Variants in CCDC178 observed in about 807,000 individuals in gnomAD.
The protein encoded by CCDC178 is coiled-coil domain-containing protein 178.
Under a neutral mutation model 117.4 loss-of-function variants are expected in CCDC178, and 126 were observed. That is an observed-to-expected ratio of 1.07 (90% CI 0.93 to 1.24). CCDC178 has a LOEUF of 1.24. CCDC178 is among the 50% of genes most tolerant of loss of function. CCDC178 has a pLI of 0.00. For synonymous variants in CCDC178, 283 were observed against 313.4 expected (o/e 0.90, Z 1.02); for missense variants, 1,030 against 986.9 (o/e 1.04, Z -0.59).
At chr18:33,210,469 T>G (rs938094176) in intron 20 of CCDC178, among the ~76,000 whole-genome samples, 1 of 152,026 alleles carries the variant, frequency 6.6e-6, no homozygotes, top group Non-Finnish European at 1.5e-5. Context: ...CTGACCATCT[T>G]TTGCCATTTC....
At chr18:33,398,976 G>T (rs1354689063) in intron 3 of CCDC178, among the ~76,000 whole-genome samples, 5 of 152,112 alleles carry the variant, frequency 3.3e-5, no homozygotes, top group African/African-American at 1.2e-4. Context: ...AAGGTGGGTG[G>T]ATCACCTGAG....
chr18:33,295,051 C>T (rs1242868694), intron 11 of CCDC178, among the ~76,000 whole-genome samples: 1 of 152,072 alleles, frequency 6.6e-6, no homozygotes, highest in Non-Finnish European at 1.5e-5. Flanking sequence ...ATCACTCTAC[C>T]TGTTGTTAGG....
rs534376850 is a variant in CCDC178 at position 32,965,521 on chromosome 18, A to G, written c.2523+9026T>C. 7.9e-5 allele frequency among the ~76,000 whole-genome samples: 12 copies of G among 151,964 alleles called. 1 individual carries two copies. Among genetic ancestry groups the G allele is most frequent in the African/African-American group, 2.9e-4 (12 of 41,498 alleles). On this transcript the variant is annotated intron_variant, in intron 22 of 22. Coordinates refer to ENST00000383096, the MANE Select transcript of CCDC178 (RefSeq NM_001105528.4). Reference sequence around the variant, plus strand: ...TGTTTATTTATGTCTTCATATATTGATGGATATTTACATTGTCTTCAATGG... The same window carrying G: ...TGTTTATTTATGTCTTCATATATTGGTGGATATTTACATTGTCTTCAATGG...
intron 21 of CCDC178, among the ~76,000 whole-genome samples, chr18:33,076,423 G>A (rs570471079): frequency 5.9e-5 from 9 of 152,282 alleles, no homozygotes; most frequent in Admixed American, 5.9e-4. Context: ...GATATTTGAG[G>A]AAAGGGATAC....
chr18:32,992,618 G>A (rs555054709), intron 21 of CCDC178, among the ~76,000 whole-genome samples: 1 of 152,236 alleles, frequency 6.6e-6, no homozygotes, highest in South Asian at 2.1e-4. Flanking sequence ...CAGTTAATGT[G>A]TTATATATTT....
chr18:33,430,416 T>G (rs143099822), intron 2 of CCDC178, among the ~76,000 whole-genome samples: 1 of 152,170 alleles, frequency 6.6e-6, no homozygotes, highest in Admixed American at 6.5e-5. Context: ...TTCTCAGAAA[T>G]AGGAAAACAA....
At chr18:32,949,657 A>G (rs1264793693) in intron 22 of CCDC178, among the ~76,000 whole-genome samples, 1 of 151,910 alleles carries the variant, frequency 6.6e-6, no homozygotes, top group African/African-American at 2.4e-5. Context: ...TGTTTAATGT[A>G]TTTGTTTGCT....
chr18:33,403,366 A>G (rs1292453732), intron 3 of CCDC178, among the ~76,000 whole-genome samples: 1 of 152,172 alleles, frequency 6.6e-6, no homozygotes, highest in Non-Finnish European at 1.5e-5. Context: ...AAAGTTGCTA[A>G]ATTAACAACT....
intron 20 of CCDC178, among the ~76,000 whole-genome samples, chr18:33,176,074 T>TC (rs2144449739): frequency 6.6e-6 from 1 of 152,128 alleles, no homozygotes; most frequent in South Asian, 2.1e-4. Context: ...ACACACCCCC[T>TC]CCTCCAGCTT....
chr18:33,342,492 C>T (rs2062829447), intron 9 of CCDC178, among the ~76,000 whole-genome samples: 1 of 152,192 alleles, frequency 6.6e-6, no homozygotes, highest in Admixed American at 6.5e-5. Flanking sequence ...CCAATCTCAA[C>T]TGGAATTGTA....
chr18:33,091,469 T>C (rs1465249795), intron 21 of CCDC178, among the ~76,000 whole-genome samples: 1 of 151,472 alleles, frequency 6.6e-6, no homozygotes, highest in East Asian at 2.0e-4. Context: ...CCTGAGTAAC[T>C]GGGACTTCAG....
intron 20 of CCDC178, among the ~76,000 whole-genome samples, chr18:33,137,029 A>G (rs569945300): frequency 6.1e-4 from 93 of 152,298 alleles, no homozygotes; most frequent in African/African-American, 2.1e-3. Context: ...TAATTAAAGT[A>G]ACATACTTTT....
At chr18:33,416,990 G>C (rs2063950840) in intron 2 of CCDC178, among the ~76,000 whole-genome samples, 1 of 152,124 alleles carries the variant, frequency 6.6e-6, no homozygotes, top group African/African-American at 2.4e-5. Flanking sequence ...GGGTCACTTA[G>C]GCATTGCTGG....
intron 22 of CCDC178, among the ~76,000 whole-genome samples, chr18:32,960,210 T>C (rs1397636573): frequency 6.6e-6 from 1 of 152,122 alleles, no homozygotes; most frequent in Non-Finnish European, 1.5e-5. Context: ...AAATAGGTGA[T>C]CCAAGGCTAC....
intron 15 of CCDC178, among the ~76,000 whole-genome samples, chr18:33,228,614 T>C (rs1208326387): frequency 6.6e-6 from 1 of 152,218 alleles, no homozygotes; most frequent in Non-Finnish European, 1.5e-5. Context: ...GGGCAAAACA[T>C]CTGGAGCTTC....
At chr18:33,096,321 T>TGTATAAAA (rs1567985897) in intron 20 of CCDC178, among the ~76,000 whole-genome samples, 5 of 99,734 alleles carry the variant, frequency 5.0e-5, no homozygotes, top group African/African-American at 2.9e-4. Context: ...TTTTATATTT[T>TGTATAAAA]ATATAAAAAT....
intron 6 of CCDC178, among the ~76,000 whole-genome samples, chr18:33,357,836 ATGTGTG>A (rs6146256): frequency 1.3e-5 from 2 of 150,898 alleles, no homozygotes; most frequent in East Asian, 2.0e-4. Context: ...ATGTGTATGC[ATGTGTG>A]TGTGTGTGTA....
chr18:33,125,857 G>A (rs1485064159), intron 20 of CCDC178, among the ~76,000 whole-genome samples: 2 of 152,148 alleles, frequency 1.3e-5, no homozygotes, highest in Admixed American at 6.5e-5. Flanking sequence ...GAAGCTTAAT[G>A]TCCCAGAGGA....
At chr18:33,010,177 T>C (rs2144795346) in intron 21 of CCDC178, among the ~76,000 whole-genome samples, 1 of 152,278 alleles carries the variant, frequency 6.6e-6, no homozygotes, top group East Asian at 1.9e-4. Flanking sequence ...GTAGTTTTAT[T>C]ATATGTTTGA....
Sources: gnomAD v4.1 joint callset for allele counts (sites outside exome capture counted in the v4.1 genomes callset) on GRCh38, gnomAD v4.1.1 for gene constraint, MANE v1.5 for transcripts, NCBI Gene and HGNC (gene_info 2026-07-23, HGNC 2026-07-21) for gene names.